The following AZIN1 variants were observed in gnomAD, a reference collection of about 807,000 sequenced individuals.
AZIN1 encodes antizyme inhibitor 1.
AZIN1 carries 12 observed loss-of-function variants against 47.4 expected under a neutral mutation model. The observed-to-expected ratio is 0.25, with a 90% CI of 0.16 to 0.41. AZIN1 has a LOEUF of 0.41. Among genes scored for constraint, AZIN1 ranks in the 10% least tolerant of loss-of-function variants. The probability of loss-of-function intolerance (pLI) is 1.00; values close to 1 mark genes in which losing one functional copy is unlikely to be tolerated. For missense variants in AZIN1, 410 were observed against 532.4 expected (o/e 0.77, Z 2.26); for synonymous variants, 155 against 176.3 (o/e 0.88, Z 0.96).
intron 1 of AZIN1, among the ~76,000 whole-genome samples, chr8:102,863,170 C>T (rs1167386939): frequency 1.3e-5 from 2 of 152,232 alleles, no homozygotes; most frequent in Non-Finnish European, 2.9e-5. Context: ...GCTTCCCCGC[C>T]GCCAGGCCCC....
Position 102,838,789 on chromosome 8 carries a change from T to G in AZIN1, c.404A>C (p.Asn135Thr). ...KVGVNILTCD[N>T]EIELKKIARN... ...TGCAATTTTCTTCAATTCAATTTCA[T>G]TGTCACATGTCAGGATATTCACTCC... is the stretch of plus-strand genomic sequence containing the variant. The change falls in exon 5 of 12, where the codon AAT (asparagine) becomes ACT (threonine). Residue 135 changes from asparagine (N) to threonine (T), a missense_variant. By Grantham distance (65) the Asn-to-Thr change is moderately conservative. This residue lies in a region of AZIN1 where 237 missense variants were observed against 309.4 expected (regional missense o/e 0.77). Transcript: ENST00000337198. 1 of 1,613,440 alleles carries G rather than the reference T, an allele frequency of 6.2e-7. No homozygotes were observed. Among genetic ancestry groups the G allele is most frequent in the Non-Finnish European group, 8.5e-7 (1 of 1,179,838 alleles).
In AZIN1 at chr8:102,827,007, A is replaced by C. The variant is rs755395425; in HGVS notation, c.*1560T>G. 17 of 152,754 alleles carry C rather than the reference A, an allele frequency of 1.1e-4. No individual in the cohort carries two copies. The highest frequency in any genetic ancestry group is 1.0e-3 in the South Asian group (5 of 4,830). The allele number at this position is 152,754 out of a possible 1,614,324, so 9.5% of individuals were successfully genotyped here. A position where few individuals can be genotyped will look rare whatever the true frequency, so the allele number is the denominator to read the frequency against. ...AAAAATATTAAGCACCTACTGGTTT[A>C]AGAGATTTAAATTTATTAGAGATTC... On this transcript the variant is annotated 3_prime_UTR_variant, in exon 12 of 12. Transcript: ENST00000337198.
At chr8:102,852,846 G>A (rs149308689) in intron 2 of AZIN1, among the ~76,000 whole-genome samples, 2 of 152,292 alleles carry the variant, frequency 1.3e-5, no homozygotes, top group African/African-American at 4.8e-5. Flanking sequence ...CTGGAATGGA[G>A]GAAGGACAAA....
At chr8:102,844,211 T>C (rs1812406989) in intron 2 of AZIN1, among the ~76,000 whole-genome samples, 1 of 152,102 alleles carries the variant, frequency 6.6e-6, no homozygotes, top group African/African-American at 2.4e-5. Flanking sequence ...AAATGTCTTA[T>C]AAATAAAAGT....
intron 1 of AZIN1, 134 bp downstream of exon 1, chr8:102,863,673 T>C (rs1274088815): frequency 6.6e-6 from 1 of 150,416 alleles, no homozygotes; most frequent in African/African-American, 2.4e-5. Flanking sequence ...GCCGCCGCCA[T>C]GTTCGAGGCG....
chr8:102,856,303 G>A (rs947676280), intron 2 of AZIN1, among the ~76,000 whole-genome samples: 14 of 152,094 alleles, frequency 9.2e-5, no homozygotes, highest in African/African-American at 3.4e-4. Flanking sequence ...AATATGCATT[G>A]TACCCGGGCA....
chr8:102,854,634 T>TTC (rs1563548744), intron 2 of AZIN1: 4 of 147,540 alleles, frequency 2.7e-5, no homozygotes, highest in African/African-American at 9.9e-5. Flanking sequence ...ATATTTTTTT[T>TTC]CCCTAGTTAA....
At chr8:102,853,101 G>C (rs906633828) in intron 2 of AZIN1, among the ~76,000 whole-genome samples, 2 of 152,264 alleles carry the variant, frequency 1.3e-5, no homozygotes, top group Non-Finnish European at 2.9e-5. Flanking sequence ...TCTGAAACAA[G>C]ATCAGGTTGG....
chr8:102,857,868 G>A lies in AZIN1; in HGVS notation c.-96+145C>T, dbSNP rs1268956534. 2.0e-5 allele frequency: 8 copies of A among 394,206 alleles called. No homozygotes were observed. The Admixed American group carries it at 3.5e-4, about 17-fold the overall frequency. The allele number at this position is 394,206 out of a possible 1,614,324, so 24.4% of individuals were successfully genotyped here. ...TCAGTCAAGTCTGTAACCAGTAACT[G>A]TCTTATCTCTATTTCAGAAATTTAA... On this transcript the variant is annotated intron_variant, in intron 2 of 11. Coordinates refer to ENST00000337198, the MANE Select transcript of AZIN1 (RefSeq NM_148174.4).
chr8:102,828,604 T>G lies in AZIN1; in HGVS notation c.1310A>C (p.Gln437Pro). Residue 437 changes from glutamine to proline, a missense_variant, in exon 12 of 12, where the codon CAG (glutamine) becomes CCG (proline). Gln to Pro is a moderately conservative substitution (Grantham distance 76). Around this residue, in one of 3 missense-constraint regions of AZIN1, gnomAD observed 168 missense variants for 198.3 expected, o/e 0.85. Transcript: ENST00000337198. Reference sequence around the variant, plus strand: ...GGAAAAGCTGTCTTCTTGGCTCAGCTGAATGCAAGAAGGCACAAAGAAGAA... The same window carrying G: ...GGAAAAGCTGTCTTCTTGGCTCAGCGGAATGCAAGAAGGCACAAAGAAGAA... ...KNFFFVPSCI[Q>P]LSQEDSFSAE... 6.2e-7 allele frequency: 1 copy of G among 1,611,670 alleles called. No individual in the cohort carries two copies. Among genetic ancestry groups the G allele is most frequent in the Non-Finnish European group, 8.5e-7 (1 of 1,178,064 alleles).
chr8:102,861,797 C>T (rs1813674155), intron 1 of AZIN1, among the ~76,000 whole-genome samples: 1 of 151,738 alleles, frequency 6.6e-6, no homozygotes, highest in South Asian at 2.1e-4. Context: ...AATCCCAGCA[C>T]TCTGGGAGGC....
At chr8:102,852,483 G>A (rs566644424) in intron 2 of AZIN1, among the ~76,000 whole-genome samples, 1 of 152,280 alleles carries the variant, frequency 6.6e-6, no homozygotes, top group South Asian at 2.1e-4. Flanking sequence ...GCTGAGGCAG[G>A]AGAATTGCTT....
intron 2 of AZIN1, among the ~76,000 whole-genome samples, chr8:102,857,664 TCA>T (rs1813381300): frequency 6.6e-6 from 1 of 152,064 alleles, no homozygotes; most frequent in African/African-American, 2.4e-5. Flanking sequence ...CTAAAAACAA[TCA>T]GTTAGTTGTT....
intron 4 of AZIN1, among the ~76,000 whole-genome samples, 178 bp downstream of exon 4, chr8:102,839,472 T>C (rs1381153420): frequency 6.6e-6 from 1 of 152,214 alleles, no homozygotes; most frequent in Non-Finnish European, 1.5e-5. Context: ...GAAACTTCCC[T>C]TTCATTGGTG....
chr8:102,849,147 G>C (rs578154651), intron 2 of AZIN1, among the ~76,000 whole-genome samples: 2 of 152,238 alleles, frequency 1.3e-5, no homozygotes, highest in African/African-American at 4.8e-5. Context: ...ATAAAAATTA[G>C]CTGGGTGTGG....
intron 6 of AZIN1, among the ~76,000 whole-genome samples, chr8:102,835,682 A>G (rs1401284280): frequency 6.6e-6 from 1 of 152,202 alleles, no homozygotes; most frequent in African/African-American, 2.4e-5. Context: ...AAGATACACA[A>G]TACATCTTTG....
At chr8:102,840,021 CTTA>C (rs1295731466) in intron 3 of AZIN1, among the ~76,000 whole-genome samples, 198 bp from the exon 4 acceptor site, 2 of 152,134 alleles carry the variant, frequency 1.3e-5, no homozygotes, top group Non-Finnish European at 2.9e-5. Context: ...GTTCTTTCTT[CTTA>C]TATTTGATTA....
intron 9 of AZIN1, among the ~76,000 whole-genome samples, chr8:102,831,140 C>G (rs183987653): frequency 2.0e-5 from 3 of 151,976 alleles, no homozygotes; most frequent in African/African-American, 7.3e-5. Flanking sequence ...CCTGGAACAT[C>G]TTGATATACC....
intron 1 of AZIN1, among the ~76,000 whole-genome samples, chr8:102,862,300 C>T (rs1306109277): frequency 6.6e-6 from 1 of 151,942 alleles, no homozygotes; most frequent in Non-Finnish European, 1.5e-5. Context: ...GAGGGGTCTC[C>T]AACTTTACTT....
Sources: allele counts gnomAD v4.1 joint callset (sites outside exome capture counted in the v4.1 genomes callset), GRCh38; gene constraint gnomAD v4.1.1; regional missense constraint gnomAD v4.1.1; transcripts MANE v1.5; gene names NCBI Gene and HGNC (gene_info 2026-07-23, HGNC 2026-07-21).